Variants in CLRN1 observed in about 807,000 individuals in gnomAD.
The protein encoded by CLRN1 is clarin-1.
Under a neutral mutation model 18.7 loss-of-function variants are expected in CLRN1, and 15 were observed. The ratio of observed to expected loss-of-function variants is 0.80; its 90% CI spans 0.54 to 1.23. The LOEUF is 1.23. Among genes scored for constraint, CLRN1 ranks in the 50% most tolerant of loss-of-function variants. CLRN1 has a pLI of 0.00. For synonymous variants in CLRN1, 104 were observed against 102.9 expected (o/e 1.01, Z -0.07); for missense variants, 311 against 277.5 (o/e 1.12, Z -0.86).
rs200896162 is a variant in CLRN1, at chr3:150,968,093, G to A, written c.253+4363C>T. ...TTAAATTTTATTTTTCACATTTTAAGAAAATAATTCCATATGTTTTTGCCA... is the reference window on the plus strand; with the variant it reads ...TTAAATTTTATTTTTCACATTTTAAAAAAATAATTCCATATGTTTTTGCCA... On this transcript the variant is annotated intron_variant, in intron 1 of 2. Transcript: ENST00000327047. Among the ~76,000 whole-genome samples the A allele has an allele frequency of 5.0e-4, 76 of 152,220 alleles. 1 individual carries two copies. Among genetic ancestry groups the A allele is most frequent in the Admixed American group, 3.3e-3 (51 of 15,278 alleles).
At chr3:150,935,542 C>G (rs1273772723) in intron 2 of CLRN1, among the ~76,000 whole-genome samples, 30 of 151,068 alleles carry the variant, frequency 2.0e-4, no homozygotes, top group African/African-American at 6.8e-4. Flanking sequence ...TCCAGTCTAT[C>G]ATTGTTGGAC....
intron 1 of CLRN1, among the ~76,000 whole-genome samples, chr3:150,954,474 T>C (rs918618842): frequency 1.4e-4 from 21 of 152,352 alleles, no homozygotes; most frequent in Admixed American, 3.9e-4. Context: ...TTGGATTGTT[T>C]ATTATTGAGT....
intron 1 of CLRN1, chr3:150,942,653 A>C (rs1713923129): frequency 2.3e-6 from 1 of 441,324 alleles, no homozygotes; most frequent in Non-Finnish European, 4.5e-6. Flanking sequence ...ATGGGAGAAG[A>C]CAGACCATTA....
Position 150,927,990 on chromosome 3 carries a change from A to G in CLRN1, c.645T>C (p.Phe215=). 6.2e-7 allele frequency: 1 copy of G among 1,614,214 alleles called. No individual in the cohort carries two copies. The highest frequency in any genetic ancestry group is 1.3e-5 in the African/African-American group (1 of 75,058). Residue 215 remains phenylalanine, a synonymous_variant, in exon 3 of 3, where the codon TTT becomes TTC. Coordinates refer to ENST00000327047, the MANE Select transcript of CLRN1 (RefSeq NM_174878.3). ...TTGTTTCTGCGTCTTTAGATTTTGC[A>G]AAAGGGAACTGAAATCCAGCAAGTC... The part of the protein sequence containing the change: ...LIRLAGFQFP[F]AKSKDAETTN...
chr3:150,972,746 C>T (rs746567298), upstream of CLRN1: 10 of 1,614,082 alleles, frequency 6.2e-6, no homozygotes, highest in South Asian at 1.1e-4. Flanking sequence ...GGTTCAAAAA[C>T]AAGACCTTTG....
At chr3:150,933,355 A>G (rs1280394603) in intron 2 of CLRN1, among the ~76,000 whole-genome samples, 1 of 152,140 alleles carries the variant, frequency 6.6e-6, no homozygotes, top group Admixed American at 6.6e-5. Flanking sequence ...GGAGAATAAA[A>G]TAAAGCAGAG....
intron 1 of CLRN1, among the ~76,000 whole-genome samples, chr3:150,953,286 C>A (rs998402152): frequency 1.3e-5 from 2 of 152,152 alleles, no homozygotes; most frequent in African/African-American, 4.8e-5. Flanking sequence ...CAACACACAG[C>A]CGATGCCACG....
chr3:150,954,707 G>T (rs1714654567), intron 1 of CLRN1, among the ~76,000 whole-genome samples: 1 of 152,132 alleles, frequency 6.6e-6, no homozygotes, highest in Admixed American at 6.5e-5. Flanking sequence ...AATATTTTCT[G>T]CTATGTTTCT....
intron 1 of CLRN1, among the ~76,000 whole-genome samples, chr3:150,963,745 C>T (rs1406086077): frequency 6.6e-6 from 1 of 152,100 alleles, no homozygotes; most frequent in Non-Finnish European, 1.5e-5. Flanking sequence ...GAACAGAGGC[C>T]TCAGAAATAA....
At chr3:150,941,323 C>T (rs935867895) in intron 2 of CLRN1, 10 of 377,676 alleles carry the variant, frequency 2.6e-5, no homozygotes, top group South Asian at 1.3e-4. Flanking sequence ...TTGAGACAAG[C>T]GTTTATCCTC....
At chr3:150,962,881 G>C (rs1258359337) in intron 1 of CLRN1, among the ~76,000 whole-genome samples, 1 of 152,152 alleles carries the variant, frequency 6.6e-6, no homozygotes, top group African/African-American at 2.4e-5. Context: ...AAGGATCAAA[G>C]ATTAAGATTT....
chr3:150,949,448 T>C (rs1714370160), intron 1 of CLRN1, among the ~76,000 whole-genome samples: 1 of 152,076 alleles, frequency 6.6e-6, no homozygotes, highest in Non-Finnish European at 1.5e-5. Flanking sequence ...TGATTCTATA[T>C]CTAAAAAACC....
At chr3:150,934,149 A>G (rs78414339) in intron 2 of CLRN1, among the ~76,000 whole-genome samples, 12,556 of 152,218 alleles carry the variant, frequency 0.082, 711 homozygotes, top group Non-Finnish European at 0.12. Flanking sequence ...CCCCAGACAT[A>G]TTTCAGAGTC....
At chr3:150,963,950 C>T (rs867956621) in intron 1 of CLRN1, among the ~76,000 whole-genome samples, 7 of 152,266 alleles carry the variant, frequency 4.6e-5, no homozygotes, top group Middle Eastern at 6.8e-3. Flanking sequence ...AGACCTAAAA[C>T]CATAAAAATC....
At chr3:150,957,971 T>C (rs1403671378) in intron 1 of CLRN1, among the ~76,000 whole-genome samples, 1 of 152,108 alleles carries the variant, frequency 6.6e-6, no homozygotes, top group Admixed American at 6.6e-5. Context: ...TTTGTCTACC[T>C]TCCTGTTCAA....
intron 1 of CLRN1, among the ~76,000 whole-genome samples, chr3:150,960,883 G>T (rs1714992568): frequency 6.6e-6 from 1 of 152,260 alleles, no homozygotes; most frequent in Admixed American, 6.5e-5. Flanking sequence ...CCAGACAGCT[G>T]AAGGCCTCCC....
At chr3:150,940,650 T>C (rs1713763709) in intron 2 of CLRN1, 10 of 853,894 alleles carry the variant, frequency 1.2e-5, no homozygotes, top group Non-Finnish European at 1.6e-5. Flanking sequence ...TCTGACAAAG[T>C]GTTGGATCTT....
At chr3:150,937,556 G>T (rs1182814454) in intron 2 of CLRN1, among the ~76,000 whole-genome samples, 3 of 152,134 alleles carry the variant, frequency 2.0e-5, no homozygotes, top group Non-Finnish European at 2.9e-5. Context: ...TACAGTCAAA[G>T]AAGCGAATCA....
chr3:150,941,249 A>G (rs1220852374), intron 2 of CLRN1, among the ~76,000 whole-genome samples: 2 of 150,794 alleles, frequency 1.3e-5, no homozygotes, highest in African/African-American at 2.4e-5. Context: ...TATTTTATAT[A>G]TATAATCAAA....
Sources: allele counts gnomAD v4.1 joint callset (sites outside exome capture counted in the v4.1 genomes callset), GRCh38; gene constraint gnomAD v4.1.1; transcripts MANE v1.5; gene names NCBI Gene and HGNC (gene_info 2026-07-23, HGNC 2026-07-21).